SERPINI1: variants seen among roughly 807,000 people sequenced by gnomAD.
The protein encoded by SERPINI1 is serpin family I member 1, also known as neuroserpin.
A neutral mutation model predicts 41.1 loss-of-function variants in SERPINI1; 19 were observed. The ratio of observed to expected loss-of-function variants is 0.46; its 90% CI spans 0.32 to 0.68. The LOEUF is 0.68. Among genes scored for constraint, SERPINI1 ranks in the 30% least tolerant of loss-of-function variants. The probability of loss-of-function intolerance (pLI) is 0.03; values close to 1 mark genes in which losing one functional copy is unlikely to be tolerated. For synonymous variants in SERPINI1, 138 were observed against 156.6 expected (o/e 0.88, Z 0.89); for missense variants, 460 against 479.2 (o/e 0.96, Z 0.37).
At chr3:167,807,519 C>CAT (rs1711690463) in intron 6 of SERPINI1, among the ~76,000 whole-genome samples, 178 bp downstream of exon 6, 1 of 152,118 alleles carries the variant, frequency 6.6e-6, no homozygotes, top group Non-Finnish European at 1.5e-5. Context: ...ATAGTCTTAA[C>CAT]ATTAAGTTTA....
In SERPINI1 at chr3:167,756,245, G is replaced by T. The variant is rs185557452; in HGVS notation, c.-19+20422G>T. ...CTATGTAAACCCCCAGGCCTTCCAA[G>T]AAGTTTTGTGTTTATTTCCCATAAT... On this transcript the variant is annotated intron_variant, in intron 1 of 8. Coordinates refer to ENST00000446050, the MANE Select transcript of SERPINI1 (RefSeq NM_001122752.2). 3.3e-5 allele frequency among the ~76,000 whole-genome samples: 5 copies of T among 152,134 alleles called. 1 individual carries two copies. Among genetic ancestry groups the T allele is most frequent in the Admixed American group, 3.3e-4 (5 of 15,270 alleles).
Position 167,747,576 on chromosome 3 carries a change from G to A in SERPINI1, c.-19+11753G>A, listed in dbSNP as rs138509274. Among the ~76,000 whole-genome samples the A allele has an allele frequency of 4.3e-4, 66 of 152,208 alleles. 1 individual carries two copies. The East Asian group carries it at 0.01, about 24-fold the overall frequency. On this transcript the variant is annotated intron_variant, in intron 1 of 8. Coordinates refer to ENST00000446050, the MANE Select transcript of SERPINI1 (RefSeq NM_001122752.2). ...GGAGAATGGCGTGAACCCGGGAGGC[G>A]GAACTTGCAGTGAGCCGAGATCTTG...
chr3:167,799,911 G>T (rs1577425194), intron 5 of SERPINI1: 1 of 151,786 alleles, frequency 6.6e-6, no homozygotes, highest in African/African-American at 2.4e-5. Flanking sequence ...GTAAATTTAA[G>T]TTTCTTGTAG....
chr3:167,776,404 G>A (rs1228417913), intron 1 of SERPINI1, among the ~76,000 whole-genome samples: 1 of 152,182 alleles, frequency 6.6e-6, no homozygotes, highest in Non-Finnish European at 1.5e-5. Context: ...ACTGGGTTTT[G>A]TTGGCATTGA....
At chr3:167,804,660 C>G (rs1026359987) in intron 5 of SERPINI1, among the ~76,000 whole-genome samples, 1 of 151,134 alleles carries the variant, frequency 6.6e-6, no homozygotes, top group African/African-American at 2.4e-5. Flanking sequence ...AAGTGAGACC[C>G]ACATCTACAC....
At chr3:167,807,534 A>T (rs1711690733) in intron 6 of SERPINI1, among the ~76,000 whole-genome samples, 193 bp downstream of exon 6, 1 of 152,214 alleles carries the variant, frequency 6.6e-6, no homozygotes, top group Non-Finnish European at 1.5e-5. Context: ...AGTTTATATT[A>T]TCTAGTTCGT....
intron 5 of SERPINI1, among the ~76,000 whole-genome samples, chr3:167,795,489 T>C (rs1336408487): frequency 6.6e-6 from 1 of 152,192 alleles, no homozygotes; most frequent in African/African-American, 2.4e-5. Context: ...GCTCTTTTCA[T>C]GTCTCTGAAT....
At chr3:167,795,115 A>G (rs1164490157) in intron 5 of SERPINI1, among the ~76,000 whole-genome samples, 1 of 152,032 alleles carries the variant, frequency 6.6e-6, no homozygotes, top group African/African-American at 2.4e-5. Flanking sequence ...GATATAATTC[A>G]GTGTTCTTGT....
intron 6 of SERPINI1, among the ~76,000 whole-genome samples, chr3:167,822,498 A>T (rs1251377249): frequency 6.6e-6 from 1 of 152,194 alleles, no homozygotes; most frequent in African/African-American, 2.4e-5. Context: ...ATAAATTTAC[A>T]TTATGAATCT....
chr3:167,805,687 T>C (rs920218166), intron 5 of SERPINI1, among the ~76,000 whole-genome samples: 3 of 152,226 alleles, frequency 2.0e-5, no homozygotes, highest in African/African-American at 7.2e-5. Context: ...TACATTTAAG[T>C]CTTTAATCCA....
At chr3:167,768,293 A>G (rs1401042591) in intron 1 of SERPINI1, among the ~76,000 whole-genome samples, 2 of 152,190 alleles carry the variant, frequency 1.3e-5, no homozygotes, top group Non-Finnish European at 2.9e-5. Context: ...GCAATAAAGT[A>G]TTTTTACATT....
At chr3:167,758,871 A>G (rs1335483954) in intron 1 of SERPINI1, among the ~76,000 whole-genome samples, 7 of 152,170 alleles carry the variant, frequency 4.6e-5, no homozygotes, top group African/African-American at 1.4e-4. Context: ...ACTTTTTTTC[A>G]ACTTCTTTGT....
At chr3:167,771,834 C>CGTGTGT (rs72112020) in intron 1 of SERPINI1, among the ~76,000 whole-genome samples, 1 of 143,798 alleles carries the variant, frequency 7.0e-6, no homozygotes, top group African/African-American at 2.6e-5. Flanking sequence ...TGTGTGTGCG[C>CGTGTGT]GTGTGTGTGT....
chr3:167,789,967 A>G (rs1727444079), intron 2 of SERPINI1, among the ~76,000 whole-genome samples: 1 of 152,204 alleles, frequency 6.6e-6, no homozygotes, highest in Admixed American at 6.5e-5. Context: ...AATTAAAACA[A>G]TTTCTAATGG....
At chr3:167,775,212 A>G (rs9821021) in intron 1 of SERPINI1, among the ~76,000 whole-genome samples, 31,905 of 147,486 alleles carry the variant, frequency 0.22, 4,407 homozygotes, top group Non-Finnish European at 0.31. Context: ...TTCAGGGTAC[A>G]ACGAAGTGTC....
chr3:167,790,945 T>C (rs771950562), intron 3 of SERPINI1, among the ~76,000 whole-genome samples: 2 of 152,162 alleles, frequency 1.3e-5, no homozygotes, highest in Non-Finnish European at 2.9e-5. Context: ...CAGTTGGCTT[T>C]CATAACAATG....
At chr3:167,793,748 G>C (rs1299495110) in intron 4 of SERPINI1, among the ~76,000 whole-genome samples, 1 of 150,946 alleles carries the variant, frequency 6.6e-6, no homozygotes, top group Non-Finnish European at 1.5e-5. Context: ...GCAAGACCCT[G>C]TCTCTAAAAT....
At chr3:167,742,805 A>T (rs939492016) in intron 1 of SERPINI1, among the ~76,000 whole-genome samples, 4 of 148,428 alleles carry the variant, frequency 2.7e-5, no homozygotes, top group African/African-American at 1.0e-4. Context: ...ATTGTTATCA[A>T]TTTTGTGCCG....
Position 167,812,883 on chromosome 3 carries a change from C to T in SERPINI1, c.979+5542C>T, listed in dbSNP as rs147148378. On this transcript the variant is annotated intron_variant, in intron 6 of 8. Transcript: ENST00000446050. ...TCTATTTAAAATGCTCATCTACTTG[C>T]AGCGAGGATCCTGTTATAGAGAAGG... is the stretch of plus-strand genomic sequence containing the variant. Among the ~76,000 whole-genome samples, 1,223 of 152,254 alleles carry T rather than the reference C, an allele frequency of 8.0e-3. 10 individuals are homozygous for T. The highest frequency in any genetic ancestry group is 0.012 in the Admixed American group (184 of 15,294).
Sources: gnomAD v4.1 joint callset for allele counts (sites outside exome capture counted in the v4.1 genomes callset) on GRCh38, gnomAD v4.1.1 for gene constraint, MANE v1.5 for transcripts, NCBI Gene and HGNC (gene_info 2026-07-23, HGNC 2026-07-21) for gene names.